FRAS1: variants seen among roughly 807,000 people sequenced by gnomAD.
FRAS1 encodes extracellular matrix organizing protein FRAS1.
A neutral mutation model predicts 435.2 loss-of-function variants in FRAS1; 290 were observed. That is an observed-to-expected ratio of 0.67 (90% CI 0.61 to 0.73). FRAS1 has a LOEUF of 0.73. Among genes scored for constraint, FRAS1 ranks in the 30% least tolerant of loss-of-function variants. The pLI, the probability that FRAS1 is intolerant of heterozygous loss-of-function variation, is 0.00. For synonymous variants in FRAS1, 1,800 were observed against 1,851.0 expected (o/e 0.97, Z 0.71); for missense variants, 4,860 against 5,001.5 (o/e 0.97, Z 0.85).
chr4:78,126,874 G>C (rs572413535), intron 2 of FRAS1, among the ~76,000 whole-genome samples: 45 of 152,214 alleles, frequency 3.0e-4, no homozygotes, highest in Non-Finnish European at 5.0e-4. Flanking sequence ...GTCAGTTTTT[G>C]TTCCAATTAC....
intron 10 of FRAS1, 121 bp downstream of exon 10, chr4:78,278,865 C>T (rs1299389339): frequency 4.5e-6 from 3 of 660,364 alleles, no homozygotes; most frequent in Non-Finnish European, 8.0e-6. Context: ...TATTGTGCAC[C>T]TACTGTACAA....
At chr4:78,091,367 G>C (rs1180472998) in intron 2 of FRAS1, among the ~76,000 whole-genome samples, 1 of 151,930 alleles carries the variant, frequency 6.6e-6, no homozygotes, top group Non-Finnish European at 1.5e-5. Context: ...TCCATGTTAT[G>C]TAGCATCAAG....
intron 14 of FRAS1, among the ~76,000 whole-genome samples, chr4:78,307,141 G>A (rs950927030): frequency 6.6e-6 from 1 of 152,192 alleles, no homozygotes; most frequent in African/African-American, 2.4e-5. Flanking sequence ...GTGTCAGTCT[G>A]CCCCTGCTGG....
chr4:78,221,331 G>GT (rs1238940812), intron 2 of FRAS1, among the ~76,000 whole-genome samples: 2 of 151,908 alleles, frequency 1.3e-5, no homozygotes, highest in Non-Finnish European at 1.5e-5. Context: ...TATAAATACT[G>GT]TACGTACACA....
In FRAS1 at chr4:78,542,115, G is replaced by A. The variant is rs1253936454; in HGVS notation, c.*991G>A. ...GAAAGTAAGTGATTCATTTGAATAA[G>A]GCAAATTAGGAGAAAGCCCAGGTTG... On this transcript the variant is annotated 3_prime_UTR_variant, in exon 74 of 74. Transcript: ENST00000512123. The A allele has an allele frequency of 6.6e-6, 1 of 152,192 alleles. No individual in the cohort carries two copies. The highest frequency in any genetic ancestry group is 6.5e-5 in the Admixed American group (1 of 15,284). 9.4% of individuals were successfully genotyped at this position (152,192 alleles called of 1,614,324 possible).
At chr4:78,540,417 C>A in intron 73 of FRAS1, 114 bp from the exon 74 acceptor site, 1 of 590,814 alleles carries the variant, frequency 1.7e-6, no homozygotes, top group Non-Finnish European at 2.8e-6. Flanking sequence ...ATTGCTAATG[C>A]TTTTCTGGAA....
Position 78,466,131 on chromosome 4 carries a change from C to T in FRAS1, c.7030-77C>T, listed in dbSNP as rs1385269685. 27 of 1,175,050 alleles carry T rather than the reference C, an allele frequency of 2.3e-5. 2 individuals are homozygous for T. Among genetic ancestry groups the T allele is most frequent in the African/African-American group, 2.1e-4 (14 of 66,406 alleles). The allele number at this position is 1,175,050 out of a possible 1,614,324, so 72.8% of individuals were successfully genotyped here. A position where few individuals can be genotyped will look rare whatever the true frequency, so the allele number is the denominator to read the frequency against. ...GTCTTTGGGTTCTACTACCCTTGAT[C>T]AGCAATTGGGCATCACTCACTCTTT... On this transcript the variant is annotated intron_variant, in intron 49 of 73. Transcript: ENST00000512123.
chr4:78,308,271 G>T, intron 15 of FRAS1, 62 bp downstream of exon 15: 1 of 1,538,984 alleles, frequency 6.5e-7, no homozygotes, highest in Non-Finnish European at 8.9e-7. Context: ...ATCTCTTGTT[G>T]TATTCAAATC....
intron 65 of FRAS1, among the ~76,000 whole-genome samples, 199 bp from the exon 66 acceptor site, chr4:78,515,600 A>G (rs1721181790): frequency 6.6e-6 from 1 of 152,048 alleles, no homozygotes; most frequent in Non-Finnish European, 1.5e-5. Flanking sequence ...TCCATTCAAC[A>G]CCTGGCAACA....
chr4:78,486,930 G>A (rs749191485), intron 58 of FRAS1, among the ~76,000 whole-genome samples: 6 of 151,528 alleles, frequency 4.0e-5, no homozygotes, highest in Non-Finnish European at 8.8e-5. Context: ...GAGGAATTTG[G>A]AGTTGATTAA....
chr4:78,473,494 A>T lies in FRAS1; in HGVS notation c.7579A>T (p.Met2527Leu). 1 of 1,613,458 alleles carries T rather than the reference A, an allele frequency of 6.2e-7. No individual in the cohort carries two copies. Among genetic ancestry groups the T allele is most frequent in the Non-Finnish European group, 8.5e-7 (1 of 1,179,572 alleles). The change falls in exon 53 of 74, where the codon ATG becomes TTG. Residue 2527 changes from methionine (M) to leucine (L), a missense_variant. Met to Leu is a conservative substitution (Grantham distance 15, BLOSUM62 2). Transcript: ENST00000512123. The part of the protein sequence containing the change: ...YVLHKEKIRE[M>L]MDSFQFLVKD... ...GTTGCACAAGGAGAAGATCCGTGAG[A>T]TGATGGATAGTTTTCAGTTTCTGGT... is the stretch of plus-strand genomic sequence containing the variant.
At chr4:78,533,441 T>A (rs185444608) in intron 70 of FRAS1, among the ~76,000 whole-genome samples, 31 of 151,892 alleles carry the variant, frequency 2.0e-4, no homozygotes, top group Admixed American at 1.6e-3. Context: ...AGGGGAAGAG[T>A]AGCTGGAGAT....
intron 55 of FRAS1, 53 bp downstream of exon 55, chr4:78,478,114 G>A (rs1198260188): frequency 1.3e-6 from 2 of 1,507,988 alleles, no homozygotes; most frequent in Non-Finnish European, 8.9e-7. Flanking sequence ...AACATTTATT[G>A]AGTTCCTATT....
chr4:78,406,807 G>C (rs1279322434), intron 30 of FRAS1, among the ~76,000 whole-genome samples: 1 of 152,182 alleles, frequency 6.6e-6, no homozygotes, highest in Non-Finnish European at 1.5e-5. Flanking sequence ...ATAGGGTATA[G>C]TGGGGTGCCT....
chr4:78,136,857 C>G (rs936305295), intron 2 of FRAS1, among the ~76,000 whole-genome samples: 4 of 152,302 alleles, frequency 2.6e-5, no homozygotes, highest in African/African-American at 9.6e-5. Flanking sequence ...CTTCCCCACC[C>G]TATCAGTTTA....
At chr4:78,391,892 G>A (rs1035513176) in intron 29 of FRAS1, among the ~76,000 whole-genome samples, 1 of 152,140 alleles carries the variant, frequency 6.6e-6, no homozygotes, top group East Asian at 1.9e-4. Context: ...ATTTATGAGA[G>A]TTACAAATAT....
Position 78,072,881 on chromosome 4 carries a change from A to G in FRAS1, c.108+6865A>G, listed in dbSNP as rs999444056. ...AGGTAATGAGCTCCTTTAACTAGAG[A>G]TATTCAAGTTGAGACTAGACAAACA... On this transcript the variant is annotated intron_variant, in intron 2 of 73. Transcript: ENST00000512123. Among the ~76,000 whole-genome samples the G allele has an allele frequency of 2.0e-5, 3 of 152,070 alleles. No homozygotes were observed. The East Asian group carries it at 5.8e-4, about 29-fold the overall frequency.
At chr4:78,251,317 A>G (rs946555070) in intron 4 of FRAS1, among the ~76,000 whole-genome samples, 3 of 152,226 alleles carry the variant, frequency 2.0e-5, no homozygotes, top group African/African-American at 2.4e-5. Context: ...AAGGTGTGGA[A>G]GAAGGGAGGA....
rs1733721966 is a variant in FRAS1 at position 78,420,350 on chromosome 4, T to C, written c.4540+1287T>C. 3.3e-5 allele frequency among the ~76,000 whole-genome samples: 5 copies of C among 152,328 alleles called. No individual in the cohort carries two copies. In the South Asian group the frequency reaches 1.0e-3, roughly 32 times the overall value. On this transcript the variant is annotated intron_variant, in intron 33 of 73. Transcript: ENST00000512123. ...TTGCCAGAGTCGAGATGGAGCCCTT[T>C]CAAACTAGCAGCCTGGGCTGTCTTC...
Sources: gnomAD v4.1 joint callset for allele counts (sites outside exome capture counted in the v4.1 genomes callset) on GRCh38, gnomAD v4.1.1 for gene constraint, MANE v1.5 for transcripts, NCBI Gene and HGNC (gene_info 2026-07-23, HGNC 2026-07-21) for gene names.